Variants in ALDH1B1 observed in about 807,000 individuals in gnomAD.
ALDH1B1 encodes aldehyde dehydrogenase 1 family member B1, also known as aldehyde dehydrogenase family 1 member B1, mitochondrial.
ALDH1B1 carries 19 observed loss-of-function variants against 26.2 expected under a neutral mutation model. That is an observed-to-expected ratio of 0.72 (90% CI 0.51 to 1.06). The LOEUF (loss-of-function observed/expected upper bound fraction) is 1.06. ALDH1B1 is among the 50% of genes least tolerant of loss of function. The pLI is 0.00. For missense variants in ALDH1B1, 671 were observed against 683.1 expected, an observed-to-expected ratio of 0.98 and a Z score of 0.20; for synonymous variants, 249 against 286.0, an observed-to-expected ratio of 0.87 and a Z score of 1.31.
chr9:38,397,258 G>T lies in ALDH1B1; in HGVS notation c.1510G>T (p.Glu504Ter), dbSNP rs140618337. Residue 504 changes from glutamate to a stop codon, truncating the protein, a stop_gained, in exon 2 of 2, where the codon GAG (glutamate) becomes TAG (stop). Transcript: ENST00000377698. LOFTEE classifies it high-confidence loss of function. ...LGEDGLKAYT[E>*]VKTVTIKVPQ... ...TGAGGATGGGCTTAAGGCCTACACA[G>T]AGGTAAAGACGGTCACCATCAAGGT... The T allele has an allele frequency of 1.2e-6, 2 of 1,614,052 alleles. No homozygotes were observed. The highest frequency in any genetic ancestry group is 1.7e-6 in the Non-Finnish European group (2 of 1,180,028).
rs777901376 is a variant in ALDH1B1 at position 38,396,835 on chromosome 9, G to A, written c.1087G>A (p.Asp363Asn). The A allele has an allele frequency of 6.2e-7, 1 of 1,614,250 alleles. No individual in the cohort carries two copies. Among genetic ancestry groups the A allele is most frequent in the Non-Finnish European group, 8.5e-7 (1 of 1,180,054 alleles). Reference protein sequence around the residue: ...ELDTQQGPQVDKEQFERVLGY... With the variant: ...ELDTQQGPQVNKEQFERVLGY... ...GGACACCCAGCAGGGGCCTCAGGTG[G>A]ACAAGGAGCAGTTTGAACGAGTCCT... The change falls in exon 2 of 2, where the codon GAC (aspartate) becomes AAC (asparagine). Residue 363 changes from aspartate to asparagine, a missense_variant. By Grantham distance (23) the Asp-to-Asn change is conservative (BLOSUM62 1). Transcript: ENST00000377698.
Position 38,396,131 on chromosome 9 carries a change from G to T in ALDH1B1, c.383G>T (p.Gly128Val). 6.2e-7 allele frequency: 1 copy of T among 1,614,228 alleles called. No homozygotes were observed. Among genetic ancestry groups the T allele is most frequent in the Non-Finnish European group, 8.5e-7 (1 of 1,180,034 alleles). ...YLASLETLDNGKPFQESYALD... is the reference protein window; with the variant it reads ...YLASLETLDNVKPFQESYALD... ...GCCTCACTCGAGACCTTGGACAATG[G>T]GAAGCCTTTCCAAGAGTCTTACGCC... The change falls in exon 2 of 2, where the codon GGG (glycine) becomes GTG (valine). Residue 128 changes from glycine (G) to valine (V), a missense_variant. By Grantham distance (109) the Gly-to-Val change is moderately radical (BLOSUM62 -3). Coordinates refer to ENST00000377698, the MANE Select transcript of ALDH1B1 (RefSeq NM_000692.5).
At chr9:38,394,640 T>G in intron 1 of ALDH1B1, 4 of 985,048 alleles carry the variant, frequency 4.1e-6, no homozygotes, top group Non-Finnish European at 4.8e-6. Flanking sequence ...CCTGATTGAG[T>G]TTTTTGTTCC....
Position 38,396,099 on chromosome 9 carries a change from C to T in ALDH1B1, c.351C>T (p.Val117=), listed in dbSNP as rs751071218. Residue 117 remains valine (V), a synonymous_variant, in exon 2 of 2, where the codon GTC becomes GTT. Transcript: ENST00000377698. ...RLADLVERDR[V]YLASLETLDN... ...CAGACCTAGTGGAGCGGGATCGAGT[C>T]TACTTGGCCTCACTCGAGACCTTGG... 102 of 1,614,180 alleles carry T rather than the reference C, an allele frequency of 6.3e-5. No homozygotes were observed. Among genetic ancestry groups the T allele is most frequent in the Middle Eastern group, 1.6e-4 (1 of 6,062 alleles).
intron 1 of ALDH1B1, among the ~76,000 whole-genome samples, chr9:38,393,196 G>C (rs758914070): frequency 5.3e-5 from 8 of 152,236 alleles, no homozygotes; most frequent in Non-Finnish European, 8.8e-5. Flanking sequence ...TCCCGCTGTG[G>C]GTGAACTGTA....
Position 38,396,008 on chromosome 9 carries a change from T to C in ALDH1B1, c.260T>C (p.Phe87Ser). Residue 87 changes from phenylalanine to serine, a missense_variant, in exon 2 of 2, where the codon TTC becomes TCC. By Grantham distance (155) the Phe-to-Ser change is radical. Transcript: ENST00000377698. ...GCCGTGAAAGCAGCCCGGGAAGCCTTCCGCCTGGGGTCCCCATGGCGCCGG... is the reference window on the plus strand; with the variant it reads ...GCCGTGAAAGCAGCCCGGGAAGCCTCCCGCCTGGGGTCCCCATGGCGCCGG... Reference protein sequence around the residue: ...DRAVKAAREAFRLGSPWRRMD... With the variant: ...DRAVKAAREASRLGSPWRRMD... 1 of 1,613,722 alleles carries C rather than the reference T, an allele frequency of 6.2e-7. No homozygotes were observed. Among genetic ancestry groups the C allele is most frequent in the Non-Finnish European group, 8.5e-7 (1 of 1,180,002 alleles).
intron 1 of ALDH1B1, among the ~76,000 whole-genome samples, chr9:38,394,150 T>G (rs868573135): frequency 2.6e-5 from 4 of 152,352 alleles, no homozygotes; most frequent in Admixed American, 6.5e-5. Flanking sequence ...TCATGGCAAC[T>G]GGCCAAGGAG....
Position 38,397,351 on chromosome 9 carries a change from C to T in ALDH1B1, c.*49C>T, listed in dbSNP as rs370480998. 2.8e-5 allele frequency: 44 copies of T among 1,547,254 alleles called. No homozygotes were observed. The highest frequency in any genetic ancestry group is 3.7e-5 in the Non-Finnish European group (42 of 1,145,798). On this transcript the variant is annotated 3_prime_UTR_variant, in exon 2 of 2. Coordinates refer to ENST00000377698, the MANE Select transcript of ALDH1B1 (RefSeq NM_000692.5). ...TCACAGTCCAGCAATTCCACAACCACCTTGACGAATGCTTGCCAAGCTGTT... is the reference window on the plus strand; with the variant it reads ...TCACAGTCCAGCAATTCCACAACCATCTTGACGAATGCTTGCCAAGCTGTT...
chr9:38,395,661 G>A, intron 1 of ALDH1B1, 79 bp from the exon 2 acceptor site: 2 of 1,495,680 alleles, frequency 1.3e-6, no homozygotes, highest in Non-Finnish European at 1.8e-6. Context: ...ATCTTGAAAT[G>A]TTTGAGCTGG....
rs778579294 is a variant in ALDH1B1 at position 38,397,102 on chromosome 9, G to C, written c.1354G>C (p.Asp452His). 2.5e-6 allele frequency: 4 copies of C among 1,614,172 alleles called. No homozygotes were observed. The Admixed American group carries it at 6.7e-5, about 27-fold the overall frequency. Reference sequence around the variant, plus strand: ...CCTGGCTGCGGCTGTGTTCACCCGGGATCTGGACAAGGCCATGTACTTCAC... The same window carrying C: ...CCTGGCTGCGGCTGTGTTCACCCGGCATCTGGACAAGGCCATGTACTTCAC... ...YGLAAAVFTR[D>H]LDKAMYFTQA... Residue 452 changes from aspartate to histidine, a missense_variant, in exon 2 of 2, where the codon GAT becomes CAT. Physicochemically the swap from Asp to His is moderately conservative, Grantham distance 81. Transcript: ENST00000377698.
chr9:38,395,998 C>A lies in ALDH1B1; in HGVS notation c.250C>A (p.Arg84=), dbSNP rs145597002. The change falls in exon 2 of 2, where the codon CGG becomes AGG. Residue 84 remains arginine (R), a synonymous_variant. Transcript: ENST00000377698. ...TGTGGATCGGGCCGTGAAAGCAGCCCGGGAAGCCTTCCGCCTGGGGTCCCC... is the reference window on the plus strand; with the variant it reads ...TGTGGATCGGGCCGTGAAAGCAGCCAGGGAAGCCTTCCGCCTGGGGTCCCC... ...ADVDRAVKAA[R]EAFRLGSPWR... 2 of 1,613,730 alleles carry A rather than the reference C, an allele frequency of 1.2e-6. No homozygotes were observed. Among genetic ancestry groups the A allele is most frequent in the Non-Finnish European group, 1.7e-6 (2 of 1,180,014 alleles).
At position 38,396,780 on chromosome 9, in the gene ALDH1B1, G is replaced by A. The variant is rs1821300297; in HGVS notation, c.1032G>A (p.Lys344=). ...TCGAGAGAACCGTGGAGAAAGCAAAGCAGAGGAAAGTGGGGAACCCCTTTG... is the reference window on the plus strand; with the variant it reads ...TCGAGAGAACCGTGGAGAAAGCAAAACAGAGGAAAGTGGGGAACCCCTTTG... ...EFLERTVEKA[K]QRKVGNPFEL... The change falls in exon 2 of 2, where the codon AAG becomes AAA. Residue 344 remains lysine, a synonymous_variant. Coordinates refer to ENST00000377698, the MANE Select transcript of ALDH1B1 (RefSeq NM_000692.5). The A allele has an allele frequency of 6.2e-7, 1 of 1,614,242 alleles. No individual in the cohort carries two copies.
In ALDH1B1 at chr9:38,396,147, G is replaced by T. The variant is rs1033160085; in HGVS notation, c.399G>T (p.Glu133Asp). 15 of 1,614,086 alleles carry T rather than the reference G, an allele frequency of 9.3e-6. No individual in the cohort carries two copies. The highest frequency in any genetic ancestry group is 3.3e-4 in the Middle Eastern group (2 of 6,084). The change falls in exon 2 of 2, where the codon GAG (glutamate) becomes GAT (aspartate). Residue 133 changes from glutamate to aspartate, a missense_variant. Physicochemically the swap from Glu to Asp is conservative, Grantham distance 45. Transcript: ENST00000377698. ...TGGACAATGGGAAGCCTTTCCAAGAGTCTTACGCCTTGGACTTGGATGAGG... is the reference window on the plus strand; with the variant it reads ...TGGACAATGGGAAGCCTTTCCAAGATTCTTACGCCTTGGACTTGGATGAGG... ...ETLDNGKPFQ[E>D]SYALDLDEVI...
At position 38,396,423 on chromosome 9, in the gene ALDH1B1, CA is replaced by C. The variant is rs774503656; in HGVS notation, c.677del (p.Lys226ArgfsTer10). ...LSALYLASLI[K>X]EAGFPPGVVN... ...CTGCCCTGTATTTGGCCTCCCTCAT[CA>C]AGGAGGCAGGCTTTCCCCCTGGGGT... On this transcript the variant is annotated frameshift_variant, in exon 2 of 2. Transcript: ENST00000377698. LOFTEE classifies it high-confidence loss of function. 1 of 1,614,176 alleles carries C rather than the reference CA, an allele frequency of 6.2e-7. No homozygotes were observed. The highest frequency in any genetic ancestry group is 8.5e-7 in the Non-Finnish European group (1 of 1,180,022).
chr9:38,393,816 T>TCC (rs11448898), intron 1 of ALDH1B1, among the ~76,000 whole-genome samples: 16,747 of 139,462 alleles, frequency 0.12, 974 homozygotes, highest in Middle Eastern at 0.18. Context: ...ATTCTTAGTA[T>TCC]CCCCCCCTTT....
rs1055676797 is a variant in ALDH1B1, at chr9:38,397,855, G to T, written c.*553G>T. 6.0e-6 allele frequency: 1 copy of T among 167,894 alleles called. No individual in the cohort carries two copies. The highest frequency in any genetic ancestry group is 1.5e-5 in the Non-Finnish European group (1 of 68,700). 10.4% of individuals were successfully genotyped at this position (167,894 alleles called of 1,614,324 possible). On this transcript the variant is annotated 3_prime_UTR_variant, in exon 2 of 2. Transcript: ENST00000377698. ...GATTTTCCTTAATTTGTGGGAAGGAGTAGGCAAAGAATATGCTTACATGAT... is the reference window on the plus strand; with the variant it reads ...GATTTTCCTTAATTTGTGGGAAGGATTAGGCAAAGAATATGCTTACATGAT...
rs769692117 is a variant in ALDH1B1, at chr9:38,396,827, C to G, written c.1079C>G (p.Pro360Arg). ...TTTGAGCTGGACACCCAGCAGGGGC[C>G]TCAGGTGGACAAGGAGCAGTTTGAA... ...NPFELDTQQG[P>R]QVDKEQFERV... Residue 360 changes from proline (P) to arginine (R), a missense_variant, in exon 2 of 2, where the codon CCT becomes CGT. Transcript: ENST00000377698. The G allele has an allele frequency of 1.9e-6, 3 of 1,614,204 alleles. No homozygotes were observed. The highest frequency in any genetic ancestry group is 4.5e-5 in the East Asian group (2 of 44,878).
intron 1 of ALDH1B1, among the ~76,000 whole-genome samples, chr9:38,393,116 G>A (rs1025957194): frequency 6.6e-6 from 1 of 152,226 alleles, no homozygotes; most frequent in Non-Finnish European, 1.5e-5. Flanking sequence ...CAAAGGTTGC[G>A]CCCTTTCCCC....
chr9:38,395,997 C>T lies in ALDH1B1; in HGVS notation c.249C>T (p.Ala83=), dbSNP rs1383589615. 2 of 1,613,744 alleles carry T rather than the reference C, an allele frequency of 1.2e-6. No homozygotes were observed. The highest frequency in any genetic ancestry group is 1.1e-5 in the South Asian group (1 of 91,078). The change falls in exon 2 of 2, where the codon GCC becomes GCT. Residue 83 remains alanine, a synonymous_variant. Coordinates refer to ENST00000377698, the MANE Select transcript of ALDH1B1 (RefSeq NM_000692.5). The stretch of plus-strand genomic sequence containing the variant: ...ATGTGGATCGGGCCGTGAAAGCAGC[C>T]CGGGAAGCCTTCCGCCTGGGGTCCC... ...RADVDRAVKA[A]REAFRLGSPW... is the part of the protein sequence containing the mutation.
Sources: allele counts gnomAD v4.1 joint callset (sites outside exome capture counted in the v4.1 genomes callset), GRCh38; gene constraint gnomAD v4.1.1; transcripts MANE v1.5; gene names NCBI Gene and HGNC (gene_info 2026-07-23, HGNC 2026-07-21).